Variants in PATJ observed in about 807,000 individuals in gnomAD.
PATJ encodes inaD-like protein.
In PATJ, 190 loss-of-function variants were observed where a neutral mutation model predicts 224.9. The ratio of observed to expected loss-of-function variants is 0.84; its 90% CI spans 0.75 to 0.95. The LOEUF (loss-of-function observed/expected upper bound fraction) is 0.95. PATJ is among the 40% of genes least tolerant of loss of function. The probability of loss-of-function intolerance (pLI) is 0.00; values close to 1 mark genes in which losing one functional copy is unlikely to be tolerated. For missense variants in PATJ, 2,121 were observed against 2,270.3 expected (o/e 0.93, Z 1.34); for synonymous variants, 769 against 820.3 (o/e 0.94, Z 1.07).
At chr1:61,847,626 AGTTAGAT>A (rs1318108274) in intron 17 of PATJ, among the ~76,000 whole-genome samples, 7 of 152,204 alleles carry the variant, frequency 4.6e-5, no homozygotes, top group Non-Finnish European at 1.0e-4. Context: ...TTAAAAATGG[AGTTAGAT>A]GTTAGATAAG....
intron 13 of PATJ, 84 bp downstream of exon 13, chr1:61,805,608 G>A (rs1196868298): frequency 2.6e-5 from 21 of 821,822 alleles, no homozygotes; most frequent in African/African-American, 5.2e-5. Context: ...AAATGGGTGA[G>A]TCAAAGAATA....
rs1675432636 is a variant in PATJ at position 61,927,766 on chromosome 1, C to T, written c.3607C>T (p.Pro1203Ser). Residue 1203 changes from proline (P) to serine (S), a missense_variant, in exon 27 of 44, where the codon CCT becomes TCT. Transcript: ENST00000642238. ...TGCTCCACCGCCAATGAAACTTCCT[C>T]CTCCTTATAAAGCTCTGACTGATGA... ...GTAPPPMKLP[P>S]PYKALTDDSD... is the part of the protein sequence containing the mutation. 1.2e-6 allele frequency: 2 copies of T among 1,613,390 alleles called. No individual in the cohort carries two copies. The highest frequency in any genetic ancestry group is 2.2e-5 in the East Asian group (1 of 44,856).
At chr1:61,809,491 G>A (rs1032931457) in intron 14 of PATJ, among the ~76,000 whole-genome samples, 1 of 151,310 alleles carries the variant, frequency 6.6e-6, no homozygotes, top group Non-Finnish European at 1.5e-5. Context: ...GGGTTCAAGC[G>A]ATTCTCCTGC....
At chr1:62,002,727 A>AGAG (rs1251877501) in intron 28 of PATJ, among the ~76,000 whole-genome samples, 57 of 125,680 alleles carry the variant, frequency 4.5e-4, no homozygotes, top group African/African-American at 1.5e-3. Context: ...AAAAAAAAAA[A>AGAG]AAAAAAAGAG....
intron 1 of PATJ, among the ~76,000 whole-genome samples, chr1:61,755,815 A>AT (rs916288563): frequency 5.3e-5 from 8 of 151,418 alleles, no homozygotes; most frequent in Non-Finnish European, 7.4e-5. Context: ...TCTTTTTATT[A>AT]TTTTTTTTTA....
At chr1:62,118,791 G>A (rs1664737713) in intron 37 of PATJ, among the ~76,000 whole-genome samples, 4 of 151,794 alleles carry the variant, frequency 2.6e-5, no homozygotes, top group South Asian at 2.1e-4. Flanking sequence ...CACCACATCC[G>A]GCTAATTTTT....
Position 62,139,135 on chromosome 1 carries a change from T to A in PATJ, c.5272-9149T>A, listed in dbSNP as rs144588776. 2.6e-5 allele frequency among the ~76,000 whole-genome samples: 4 copies of A among 152,134 alleles called. No homozygotes were observed. In the East Asian group the frequency reaches 7.7e-4, roughly 29 times the overall value. On this transcript the variant is annotated intron_variant, in intron 41 of 43. Transcript: ENST00000642238. ...GAGCAAACTGGCCGGGCACGGTGGCTCACACCTGTAATCCCAGCACTTTGA... is the reference window on the plus strand; with the variant it reads ...GAGCAAACTGGCCGGGCACGGTGGCACACACCTGTAATCCCAGCACTTTGA...
intron 1 of PATJ, among the ~76,000 whole-genome samples, chr1:61,756,184 C>T (rs535576621): frequency 3.9e-5 from 6 of 152,146 alleles, no homozygotes; most frequent in Non-Finnish European, 7.3e-5. Context: ...GATACTTGTG[C>T]CTTTATGGGC....
At chr1:61,820,062 G>A (rs1053523810) in intron 14 of PATJ, among the ~76,000 whole-genome samples, 1 of 151,958 alleles carries the variant, frequency 6.6e-6, no homozygotes, top group Non-Finnish European at 1.5e-5. Context: ...TATTTTTTGA[G>A]ATGGAGTCTC....
chr1:61,829,040 C>T (rs1428415295), intron 16 of PATJ, among the ~76,000 whole-genome samples: 2 of 152,182 alleles, frequency 1.3e-5, no homozygotes, highest in African/African-American at 4.8e-5. Context: ...TGCTCAGTAA[C>T]AGTCGGCTAT....
intron 14 of PATJ, among the ~76,000 whole-genome samples, chr1:61,808,853 G>C (rs1242477085): frequency 6.6e-6 from 1 of 152,194 alleles, no homozygotes; most frequent in Non-Finnish European, 1.5e-5. Context: ...GGATCCCTAT[G>C]TCATGTTCAG....
At chr1:61,890,939 G>A (rs570981243) in intron 22 of PATJ, among the ~76,000 whole-genome samples, 8 of 152,058 alleles carry the variant, frequency 5.3e-5, no homozygotes, top group Admixed American at 4.6e-4. Context: ...GGTTTGCAGT[G>A]ATGTTGGTGG....
At chr1:62,129,636 G>A (rs1666064419) in intron 41 of PATJ, among the ~76,000 whole-genome samples, 1 of 152,218 alleles carries the variant, frequency 6.6e-6, no homozygotes, top group African/African-American at 2.4e-5. Flanking sequence ...GTCTGCAGAG[G>A]TAATATAAAG....
intron 27 of PATJ, among the ~76,000 whole-genome samples, chr1:61,945,172 C>T (rs1369305403): frequency 9.9e-5 from 15 of 152,134 alleles, no homozygotes; most frequent in Non-Finnish European, 1.0e-4. Flanking sequence ...CATCAACTAA[C>T]GAGCAAAATA....
intron 29 of PATJ, among the ~76,000 whole-genome samples, chr1:62,034,422 G>C: frequency 7.2e-6 from 1 of 138,062 alleles, no homozygotes; most frequent in East Asian, 2.1e-4. Flanking sequence ...CAGCCTGGGC[G>C]AGAGAGAGAG....
At chr1:61,984,274 C>T (rs1395159537) in intron 27 of PATJ, among the ~76,000 whole-genome samples, 1 of 151,388 alleles carries the variant, frequency 6.6e-6, no homozygotes, top group African/African-American at 2.4e-5. Context: ...GATTCTCATG[C>T]CTTAGCCTCC....
chr1:61,797,436 A>G lies in PATJ; in HGVS notation c.1402+8A>G. On this transcript the variant is annotated splice_region_variant and intron_variant, in intron 11 of 43. Transcript: ENST00000642238. ...AACCACCTTCAGACAGAGGTGATTA[A>G]TTTGCCACCCCTCTATCCCTCAAGT... 1 of 1,606,932 alleles carries G rather than the reference A, an allele frequency of 6.2e-7. No individual in the cohort carries two copies. Among genetic ancestry groups the G allele is most frequent in the Non-Finnish European group, 8.5e-7 (1 of 1,174,104 alleles).
intron 27 of PATJ, among the ~76,000 whole-genome samples, chr1:61,943,486 G>C (rs1678144760): frequency 6.6e-6 from 1 of 152,278 alleles, no homozygotes; most frequent in East Asian, 1.9e-4. Flanking sequence ...CACGGTCGCT[G>C]CTAGCACAGC....
At chr1:61,766,514 C>T (rs557978080) in intron 4 of PATJ, 41 bp downstream of exon 4, 5 of 1,406,228 alleles carry the variant, frequency 3.6e-6, no homozygotes, top group African/African-American at 1.5e-5. Flanking sequence ...AGCTTCATTT[C>T]TCCTGTTTTA....
Sources: allele counts gnomAD v4.1 joint callset (sites outside exome capture counted in the v4.1 genomes callset), GRCh38; gene constraint gnomAD v4.1.1; transcripts MANE v1.5; gene names NCBI Gene and HGNC (gene_info 2026-07-23, HGNC 2026-07-21).